Variants in CD99 observed in about 807,000 individuals in gnomAD.
CD99 encodes CD99 antigen.
Under a neutral mutation model 28.4 loss-of-function variants are expected in CD99, and 19 were observed. That is an observed-to-expected ratio of 0.67 (90% CI 0.47 to 0.98). CD99 has a LOEUF of 0.98. CD99 is among the 50% of genes least tolerant of loss of function. The probability of loss-of-function intolerance (pLI) is 0.00; values close to 1 mark genes in which losing one functional copy is unlikely to be tolerated. For missense variants in CD99, 283 were observed against 248.8 expected, an observed-to-expected ratio of 1.14 and a Z score of -0.92; for synonymous variants, 103 against 92.1, an observed-to-expected ratio of 1.12 and a Z score of -0.67.
At chrX:2,693,376 G>A (rs937944488) in intron 1 of CD99, among the ~76,000 whole-genome samples, 1 of 152,000 alleles carries the variant, frequency 6.6e-6, no homozygotes, top group African/African-American at 2.4e-5. Flanking sequence ...TGGGATAGGG[G>A]CATAACAGGG....
intron 3 of CD99, among the ~76,000 whole-genome samples, chrX:2,718,789 G>A (rs2048863135): frequency 6.6e-6 from 1 of 152,182 alleles, no homozygotes; most frequent in Admixed American, 6.5e-5. Flanking sequence ...TGGCATCAGT[G>A]TCTTACAGCT....
At chrX:2,718,210 G>C (rs311078) in intron 3 of CD99, among the ~76,000 whole-genome samples, 107,626 of 151,474 alleles carry the variant, frequency 0.71, 38,762 homozygotes, top group African/African-American at 0.76. Flanking sequence ...GGATTACAGC[G>C]GTGAGCCACC....
intron 7 of CD99, among the ~76,000 whole-genome samples, chrX:2,724,313 C>T (rs1300061455): frequency 6.6e-6 from 1 of 152,140 alleles, no homozygotes; most frequent in Non-Finnish European, 1.5e-5. Flanking sequence ...GTGTCCTGCA[C>T]ATATTAAAAA....
At chrX:2,732,124 A>G (rs2049644203) in intron 8 of CD99, among the ~76,000 whole-genome samples, 1 of 151,620 alleles carries the variant, frequency 6.6e-6, no homozygotes, top group African/African-American at 2.4e-5. Flanking sequence ...TACAGATTTG[A>G]GTTTGTGGTG....
At chrX:2,717,506 G>C in intron 2 of CD99, 99 bp from the exon 3 acceptor site, 1 of 975,784 alleles carries the variant, frequency 1.0e-6, no homozygotes, top group South Asian at 1.3e-5. Context: ...AACATTCTCC[G>C]ACTGTTTCCA....
Position 2,740,760 on chromosome X carries a change from TTG to T in CD99, c.533-17_533-16del. Reference sequence around the variant, plus strand: ...TCAGGGACCTGGGAATGACTTTCTTTTGTCTCTGTCTCCCACAGTTCAGCGTA... The same window carrying T: ...TCAGGGACCTGGGAATGACTTTCTTTTCTCTGTCTCCCACAGTTCAGCGTA... On this transcript the variant is annotated splice_polypyrimidine_tract_variant and intron_variant, in intron 9 of 9. Transcript: ENST00000381192. 6.2e-7 allele frequency: 1 copy of T among 1,613,740 alleles called. No individual in the cohort carries two copies. Among genetic ancestry groups the T allele is most frequent in the Non-Finnish European group, 8.5e-7 (1 of 1,179,670 alleles).
rs368117205 is a variant in CD99 at position 2,691,959 on chromosome X, C to A, written c.67+532C>A. 6 of 775,728 alleles carry A rather than the reference C, an allele frequency of 7.7e-6. No individual in the cohort carries two copies. In the South Asian group the frequency reaches 8.1e-5, roughly 10 times the overall value. 48.1% of individuals were successfully genotyped at this position (775,728 alleles called of 1,614,324 possible). On this transcript the variant is annotated intron_variant, in intron 1 of 9. Coordinates refer to ENST00000381192, the MANE Select transcript of CD99 (RefSeq NM_002414.5). ...AAAAACTTTGAGCCCTGAAAATGTTCAAAAATACTCTGTGGATGCGGGCTC... is the reference window on the plus strand; with the variant it reads ...AAAAACTTTGAGCCCTGAAAATGTTAAAAAATACTCTGTGGATGCGGGCTC...
At position 2,714,453 on chromosome X, in the gene CD99, T is replaced by C. The variant is rs1431271165; in HGVS notation, c.99T>C (p.Pro33=). ...DGGFDLSDAL[P]DNENKKPTAI... The stretch of plus-strand genomic sequence containing the variant: ...GTTTCGATTTATCCGATGCCCTTCC[T>C]GGTGAGTATCAACATCATTTTTTAA... The change falls in exon 2 of 10, where the codon CCT becomes CCC. Residue 33 remains proline, a splice_region_variant and synonymous_variant. Coordinates refer to ENST00000381192, the MANE Select transcript of CD99 (RefSeq NM_002414.5). The C allele has an allele frequency of 6.2e-7, 1 of 1,601,312 alleles. No homozygotes were observed. Among genetic ancestry groups the C allele is most frequent in the South Asian group, 1.1e-5 (1 of 90,398 alleles).
intron 5 of CD99, 129 bp downstream of exon 5, chrX:2,720,553 A>T: frequency 1.5e-6 from 1 of 673,788 alleles, no homozygotes; most frequent in Non-Finnish European, 2.6e-6. Flanking sequence ...TGTAATGCCC[A>T]TGTTCATGTA....
chrX:2,720,363 A>G lies in CD99; in HGVS notation c.201A>G (p.Pro67=), dbSNP rs1451523109. 1 of 1,613,530 alleles carries G rather than the reference A, an allele frequency of 6.2e-7. No individual in the cohort carries two copies. The highest frequency in any genetic ancestry group is 8.5e-7 in the Non-Finnish European group (1 of 1,179,760). The part of the protein sequence containing the change: ...DAVVDGENDD[P]RPPNPPKPMP... ...CTCATCTTTCACAAACAGACGACCC[A>G]CGACCACCGAACCCACCCAAACCGA... The change falls in exon 5 of 10, where the codon CCA becomes CCG. Residue 67 remains proline, a synonymous_variant. Coordinates refer to ENST00000381192, the MANE Select transcript of CD99 (RefSeq NM_002414.5).
At chrX:2,720,566 G>C in intron 5 of CD99, 142 bp downstream of exon 5, 1 of 606,884 alleles carries the variant, frequency 1.6e-6, no homozygotes. Flanking sequence ...TTCATGTAAT[G>C]GAAAATGTAC....
At chrX:2,709,345 A>G (rs2048276048) in intron 1 of CD99, among the ~76,000 whole-genome samples, 1 of 152,206 alleles carries the variant, frequency 6.6e-6, no homozygotes, top group African/African-American at 2.4e-5. Flanking sequence ...ACACCCATAT[A>G]TGCATGCACA....
chrX:2,728,808 T>C (rs1447095998), intron 8 of CD99, among the ~76,000 whole-genome samples: 11 of 151,648 alleles, frequency 7.3e-5, no homozygotes, highest in Non-Finnish European at 1.6e-4. Context: ...CGTAATATTC[T>C]AGATGTTGTA....
At position 2,720,436 on chromosome X, in the gene CD99, T is replaced by G; in HGVS notation, c.262+12T>G. The G allele has an allele frequency of 6.2e-7, 1 of 1,612,414 alleles. No individual in the cohort carries two copies. The highest frequency in any genetic ancestry group is 1.3e-5 in the African/African-American group (1 of 74,986). On this transcript the variant is annotated intron_variant, in intron 5 of 9. Transcript: ENST00000381192. ...CCCTAGTTCCTCCGGTAAGAGTCTC[T>G]GACCCTGTGGGATGTCTTCATGTTG...
At chrX:2,723,093 G>A (rs542621741) in intron 6 of CD99, among the ~76,000 whole-genome samples, 11 of 152,270 alleles carry the variant, frequency 7.2e-5, no homozygotes, top group East Asian at 1.9e-4. Context: ...GGGAGTATGC[G>A]TTCTCAGAGT....
intron 1 of CD99, among the ~76,000 whole-genome samples, chrX:2,713,808 G>T (rs1164477295): frequency 6.6e-6 from 1 of 152,148 alleles, no homozygotes; most frequent in South Asian, 2.1e-4. Context: ...AGTCCAAGTC[G>T]ACTTTTCCAA....
chrX:2,717,914 ACT>A, intron 3 of CD99: 1 of 408,958 alleles, frequency 2.4e-6, no homozygotes, highest in Non-Finnish European at 4.3e-6. Flanking sequence ...GGTCTGAGTT[ACT>A]CTGTCTTTAG....
chrX:2,695,911 G>A (rs1274309608), intron 1 of CD99, among the ~76,000 whole-genome samples: 1 of 152,188 alleles, frequency 6.6e-6, no homozygotes, highest in Non-Finnish European at 1.5e-5. Flanking sequence ...TGGGATTACA[G>A]GTGTGAGCCA....
chrX:2,697,961 C>A (rs1397551488), intron 1 of CD99, among the ~76,000 whole-genome samples: 2 of 151,582 alleles, frequency 1.3e-5, no homozygotes, highest in Admixed American at 1.3e-4. Flanking sequence ...CTTTTGAGAC[C>A]GTGCCGAGGT....
Sources: allele counts gnomAD v4.1 joint callset (sites outside exome capture counted in the v4.1 genomes callset), GRCh38; gene constraint gnomAD v4.1.1; transcripts MANE v1.5; gene names NCBI Gene and HGNC (gene_info 2026-07-23, HGNC 2026-07-21).